Variants in ASTN2 observed in about 807,000 individuals in gnomAD.
ASTN2 encodes the protein astrotactin-2.
In ASTN2, 54 loss-of-function variants were observed where a neutral mutation model predicts 139.8. That is an observed-to-expected ratio of 0.39 (90% CI 0.31 to 0.48). The LOEUF (loss-of-function observed/expected upper bound fraction) is 0.48. Ranked by LOEUF, ASTN2 falls within the 20% of genes least tolerant of loss-of-function variation. The probability of loss-of-function intolerance (pLI) is 0.95; values close to 1 mark genes in which losing one functional copy is unlikely to be tolerated. For synonymous variants in ASTN2, 756 were observed against 719.5 expected, an observed-to-expected ratio of 1.05 and a Z score of -0.81; for missense variants, 1,565 against 1,725.1, an observed-to-expected ratio of 0.91 and a Z score of 1.64.
intron 16 of ASTN2, among the ~76,000 whole-genome samples, chr9:116,671,355 C>A (rs1449941548): frequency 6.6e-6 from 1 of 151,958 alleles, no homozygotes; most frequent in Non-Finnish European, 1.5e-5. Flanking sequence ...TGAGCACTTA[C>A]CAAGTATCAG....
intron 11 of ASTN2, among the ~76,000 whole-genome samples, chr9:116,842,656 G>A (rs1588344597): frequency 7.1e-6 from 1 of 140,068 alleles, no homozygotes; most frequent in African/African-American, 2.6e-5. Flanking sequence ...ATTACTGGGA[G>A]TTTTAATCAA....
chr9:116,749,764 G>C (rs541392768), intron 13 of ASTN2, among the ~76,000 whole-genome samples: 1 of 152,152 alleles, frequency 6.6e-6, no homozygotes, highest in East Asian at 1.9e-4. Context: ...ACACCATCCC[G>C]TTGGTGACAA....
chr9:116,859,186 C>A (rs1832816090), intron 11 of ASTN2, among the ~76,000 whole-genome samples: 1 of 152,210 alleles, frequency 6.6e-6, no homozygotes, highest in Non-Finnish European at 1.5e-5. Flanking sequence ...TTAAGGTCAG[C>A]TAATTAGTCA....
intron 10 of ASTN2, among the ~76,000 whole-genome samples, chr9:116,960,679 G>A (rs1052010290): frequency 7.9e-5 from 12 of 151,780 alleles, no homozygotes; most frequent in African/African-American, 2.7e-4. Context: ...TGTTTCCAGC[G>A]ATTGCCAAAT....
intron 12 of ASTN2, among the ~76,000 whole-genome samples, 185 bp from the exon 13 acceptor site, chr9:116,806,005 G>C (rs1328141647): frequency 6.6e-6 from 1 of 152,172 alleles, no homozygotes; most frequent in Admixed American, 6.5e-5. Context: ...CTGCAAATTG[G>C]TAAATTCAAG....
intron 20 of ASTN2, among the ~76,000 whole-genome samples, chr9:116,483,438 G>T (rs1040427691): frequency 1.3e-5 from 2 of 152,060 alleles, no homozygotes; most frequent in Non-Finnish European, 2.9e-5. Flanking sequence ...CTTCCTAGGT[G>T]GTGTGGAAAG....
At chr9:117,304,133 C>T (rs1222025493) in intron 1 of ASTN2, among the ~76,000 whole-genome samples, 3 of 152,194 alleles carry the variant, frequency 2.0e-5, no homozygotes, top group Non-Finnish European at 1.5e-5. Context: ...CAAGACCATA[C>T]GAAGTGCCCA....
At chr9:117,173,384 A>G (rs944414145) in intron 3 of ASTN2, among the ~76,000 whole-genome samples, 3 of 152,156 alleles carry the variant, frequency 2.0e-5, no homozygotes, top group Admixed American at 2.0e-4. Flanking sequence ...AATAAAAGTA[A>G]CAGGTAGTAT....
chr9:116,902,984 C>G (rs748213397), intron 10 of ASTN2, among the ~76,000 whole-genome samples: 6 of 152,200 alleles, frequency 3.9e-5, no homozygotes, highest in Non-Finnish European at 8.8e-5. Flanking sequence ...TTACTTCCCC[C>G]AACTCTGTCT....
In ASTN2 at chr9:117,135,951, G is replaced by A. The variant is rs114039385; in HGVS notation, c.1168+5375C>T. On this transcript the variant is annotated intron_variant, in intron 4 of 22. Transcript: ENST00000313400. ...GGTTGGGGGTCAGGAGTAGACAGAG[G>A]CAGGGTACAGCCCAGGCTAGGAGGG... Among the ~76,000 whole-genome samples the A allele has an allele frequency of 6.5e-3, 983 of 152,274 alleles. 10 individuals carry two copies. Among genetic ancestry groups the A allele is most frequent in the African/African-American group, 0.022 (927 of 41,548 alleles).
chr9:116,544,202 T>C (rs924442216), intron 19 of ASTN2, among the ~76,000 whole-genome samples: 5 of 152,134 alleles, frequency 3.3e-5, no homozygotes, highest in African/African-American at 1.2e-4. Flanking sequence ...GAGACAGTCA[T>C]ACTAAGGAAT....
chr9:117,050,931 T>C (rs1838896851), intron 5 of ASTN2, among the ~76,000 whole-genome samples: 1 of 152,188 alleles, frequency 6.6e-6, no homozygotes, highest in Non-Finnish European at 1.5e-5. Context: ...CCCTCCCCCA[T>C]ATGTTGTCCT....
intron 3 of ASTN2, among the ~76,000 whole-genome samples, chr9:117,166,585 A>G (rs2132914278): frequency 6.6e-6 from 1 of 152,178 alleles, no homozygotes; most frequent in East Asian, 1.9e-4. Flanking sequence ...GCTCCTTCAC[A>G]TATAATTTTC....
At chr9:117,409,862 C>G (rs779528551) in intron 1 of ASTN2, among the ~76,000 whole-genome samples, 56 of 152,208 alleles carry the variant, frequency 3.7e-4, no homozygotes, top group Non-Finnish European at 6.2e-4. Context: ...GGCCAGGTTC[C>G]TGGCACCTCA....
chr9:117,331,481 G>A (rs1188063509), intron 1 of ASTN2, among the ~76,000 whole-genome samples: 1 of 152,080 alleles, frequency 6.6e-6, no homozygotes, highest in Non-Finnish European at 1.5e-5. Context: ...ATTGGGCTCC[G>A]AGGGTTAAAT....
intron 1 of ASTN2, among the ~76,000 whole-genome samples, chr9:117,295,713 A>T (rs1316728585): frequency 6.6e-6 from 1 of 152,088 alleles, no homozygotes; most frequent in Non-Finnish European, 1.5e-5. Flanking sequence ...GGACTAAAAA[A>T]TAGAATTCAA....
At chr9:116,790,959 G>GA (rs1830517930) in intron 13 of ASTN2, among the ~76,000 whole-genome samples, 19 of 99,052 alleles carry the variant, frequency 1.9e-4, no homozygotes, top group African/African-American at 6.5e-4. Context: ...AGAAAGAAAA[G>GA]AAAGAAGGAA....
At chr9:117,291,625 G>A (rs1834596611) in intron 1 of ASTN2, 112 bp from the exon 2 acceptor site, 1 of 904,026 alleles carries the variant, frequency 1.1e-6, no homozygotes, top group Non-Finnish European at 1.6e-6. Context: ...TTTTTGCCAG[G>A]ATACCTTTCC....
chr9:116,545,069 G>A (rs1852034548), intron 19 of ASTN2, among the ~76,000 whole-genome samples: 1 of 152,176 alleles, frequency 6.6e-6, no homozygotes, highest in Admixed American at 6.5e-5. Flanking sequence ...TTCCCAGCCA[G>A]CTTCCCAGAG....
Sources: gnomAD v4.1 joint callset for allele counts (sites outside exome capture counted in the v4.1 genomes callset) on GRCh38, gnomAD v4.1.1 for gene constraint, MANE v1.5 for transcripts, NCBI Gene and HGNC (gene_info 2026-07-23, HGNC 2026-07-21) for gene names.